The following TBK1 variants were observed in gnomAD, a reference collection of about 807,000 sequenced individuals.
TBK1 encodes the protein TANK binding kinase 1, also known as serine/threonine-protein kinase TBK1.
A neutral mutation model predicts 99.9 loss-of-function variants in TBK1; 37 were observed. The observed-to-expected ratio is 0.37, with a 90% CI of 0.28 to 0.49. The LOEUF (loss-of-function observed/expected upper bound fraction) is 0.49. TBK1 is among the 20% of genes least tolerant of loss of function. The probability of loss-of-function intolerance (pLI) is 0.98; values close to 1 mark genes in which losing one functional copy is unlikely to be tolerated. For missense variants in TBK1, 644 were observed against 872.5 expected, an observed-to-expected ratio of 0.74 and a Z score of 3.30; for synonymous variants, 258 against 279.8, an observed-to-expected ratio of 0.92 and a Z score of 0.78.
chr12:64,495,880 G>T, intron 15 of TBK1, 105 bp downstream of exon 15: 20 of 639,152 alleles, frequency 3.1e-5, no homozygotes, highest in South Asian at 6.9e-5. Flanking sequence ...TTCTTAAGCT[G>T]TTTTTTTCAG....
intron 5 of TBK1, among the ~76,000 whole-genome samples, chr12:64,472,654 A>G (rs1479276846): frequency 6.9e-5 from 2 of 28,890 alleles, no homozygotes; most frequent in African/African-American, 1.4e-4. Flanking sequence ...CTCAGTGACT[A>G]TGGTATTAGT....
chr12:64,479,541 A>G (rs1019193962), intron 6 of TBK1, among the ~76,000 whole-genome samples: 21 of 152,208 alleles, frequency 1.4e-4, no homozygotes, highest in African/African-American at 5.1e-4. Context: ...CCAGTGTGCA[A>G]AGAATCTGAT....
At chr12:64,486,101 G>T in intron 11 of TBK1, 84 bp downstream of exon 11, 4 of 848,514 alleles carry the variant, frequency 4.7e-6, no homozygotes, top group South Asian at 4.1e-5. Flanking sequence ...AAACTAGTTA[G>T]GTTAGGTGCT....
chr12:64,463,301 CCCTGGGAGGCAGAGCTT>C (rs933635696), intron 3 of TBK1, among the ~76,000 whole-genome samples: 1 of 151,538 alleles, frequency 6.6e-6, no homozygotes, highest in Non-Finnish European at 1.5e-5. Context: ...GTGGCGTGAA[CCCTGGGAGGCAGAGCTT>C]CCAGTGAGCC....
rs757938202 is a variant in TBK1 at position 64,481,845 on chromosome 12, T to G, written c.816T>G (p.Gly272=). ...DMPVSCSLSR[G]LQVLLTPVLA... is the part of the protein sequence containing the mutation. ...TAACTTTTCAATACTATTTTAGGGG[T>G]CTTCAGGTTCTACTTACCCCTGTTC... Residue 272 remains glycine, a synonymous_variant, in exon 8 of 21, where the codon GGT becomes GGG. Transcript: ENST00000331710. 15 of 1,580,818 alleles carry G rather than the reference T, an allele frequency of 9.5e-6. No individual in the cohort carries two copies. Among genetic ancestry groups the G allele is most frequent in the African/African-American group, 1.4e-5 (1 of 72,854 alleles).
chr12:64,493,922 C>A (rs910757348), intron 13 of TBK1, among the ~76,000 whole-genome samples: 2 of 152,076 alleles, frequency 1.3e-5, no homozygotes, highest in Non-Finnish European at 2.9e-5. Context: ...AGGCATTTCC[C>A]AGGTTTTTTT....
At chr12:64,478,275 C>T (rs1328088480) in intron 6 of TBK1, among the ~76,000 whole-genome samples, 1 of 152,164 alleles carries the variant, frequency 6.6e-6, no homozygotes, top group Admixed American at 6.5e-5. Context: ...CTCAGCCTCC[C>T]GAATAGCTGG....
chr12:64,496,416 CA>C lies in TBK1; in HGVS notation c.1760+11del. The C allele has an allele frequency of 8.1e-7, 1 of 1,229,830 alleles. No individual in the cohort carries two copies. The highest frequency in any genetic ancestry group is 1.1e-6 in the Non-Finnish European group (1 of 885,016). 76.2% of individuals were successfully genotyped at this position (1,229,830 alleles called of 1,614,324 possible). On this transcript the variant is annotated intron_variant, in intron 16 of 20. Transcript: ENST00000331710. ...TCCACAAATTTGATAAGTAAGTATC[CA>C]GATTATGTTTAATAGTTATTTTTGG...
At position 64,499,754 on chromosome 12, in the gene TBK1, G is replaced by T. The variant is rs564608303; in HGVS notation, c.2139-1576G>T. ...CGCTTTGTCGCCAGGCGGGAGTGCA[G>T]TGGCGCGATCTTGGCTCACTGCAAC... On this transcript the variant is annotated intron_variant, in intron 20 of 20. Transcript: ENST00000331710. 1.3e-4 allele frequency among the ~76,000 whole-genome samples: 17 copies of T among 135,970 alleles called. No individual in the cohort carries two copies. In the East Asian group the frequency reaches 3.9e-3, roughly 31 times the overall value. 89.2% of individuals were successfully genotyped at this position (135,970 alleles called of 152,430 possible).
At chr12:64,459,826 T>C (rs1036464083) in intron 2 of TBK1, among the ~76,000 whole-genome samples, 3 of 152,264 alleles carry the variant, frequency 2.0e-5, no homozygotes, top group Non-Finnish European at 2.9e-5. Flanking sequence ...GAAGCCCTTA[T>C]GAGTTTCACT....
In TBK1 at chr12:64,496,991, T is replaced by G. The variant is rs1565824642; in HGVS notation, c.1803T>G (p.Phe601Leu). 6.2e-7 allele frequency: 1 copy of G among 1,613,278 alleles called. No homozygotes were observed. Among genetic ancestry groups the G allele is most frequent in the Non-Finnish European group, 8.5e-7 (1 of 1,179,526 alleles). ...YYHATKAMTH[F>L]TDECVKKYEA... ...ATGCCACAAAAGCTATGACGCACTT[T>G]ACAGATGAATGTGTTAAAAAGTATG... The change falls in exon 17 of 21, where the codon TTT (phenylalanine) becomes TTG (leucine). Residue 601 changes from phenylalanine to leucine, a missense_variant. Around this residue, in one of 3 missense-constraint regions of TBK1, gnomAD observed 465 missense variants for 588.0 expected, o/e 0.79. Coordinates refer to ENST00000331710, the MANE Select transcript of TBK1 (RefSeq NM_013254.4).
chr12:64,469,518 C>G (rs1001083230), intron 5 of TBK1, among the ~76,000 whole-genome samples: 2 of 152,162 alleles, frequency 1.3e-5, no homozygotes, highest in African/African-American at 4.8e-5. Context: ...TTGGCTAGAC[C>G]ATGCTTTCTG....
At chr12:64,499,693 C>CTTTTTTTTTTTTTTT (rs56725684) in intron 20 of TBK1, among the ~76,000 whole-genome samples, 2 of 82,942 alleles carry the variant, frequency 2.4e-5, no homozygotes, top group Admixed American at 1.7e-4. Flanking sequence ...TAAAGATGTG[C>CTTTTTTTTTTTTTTT]TTTTTTTTTT....
At chr12:64,490,141 A>C (rs769893791) in intron 13 of TBK1, 22 bp downstream of exon 13, 2 of 1,557,570 alleles carry the variant, frequency 1.3e-6, no homozygotes, top group Non-Finnish European at 1.8e-6. Flanking sequence ...CAAAATTACG[A>C]AATTTGTAAG....
Position 64,481,901 on chromosome 12 carries a change from A to C in TBK1, c.872A>C (p.Lys291Thr). 6.2e-7 allele frequency: 1 copy of C among 1,610,108 alleles called. No homozygotes were observed. The highest frequency in any genetic ancestry group is 8.5e-7 in the Non-Finnish European group (1 of 1,178,320). ...LANILEADQEKCWGFDQFFAE... is the reference protein window; with the variant it reads ...LANILEADQETCWGFDQFFAE... ...AACATCCTTGAAGCAGATCAGGAAA[A>C]GTGTTGGGGTTTTGACCAGTTTTTT... Residue 291 changes from lysine (K) to threonine (T), a missense_variant, in exon 8 of 21, where the codon AAG becomes ACG. Transcript: ENST00000331710.
chr12:64,472,924 G>C (rs1294169916), intron 5 of TBK1, among the ~76,000 whole-genome samples: 1 of 152,280 alleles, frequency 6.6e-6, no homozygotes, highest in Non-Finnish European at 1.5e-5. Flanking sequence ...CTATGTGTAA[G>C]GACGTGTGTT....
chr12:64,478,370 G>T (rs565460715), intron 6 of TBK1, among the ~76,000 whole-genome samples: 1 of 152,202 alleles, frequency 6.6e-6, no homozygotes, highest in South Asian at 2.1e-4. Flanking sequence ...GGCTGGTCTT[G>T]AACTCCTGGC....
intron 20 of TBK1, among the ~76,000 whole-genome samples, chr12:64,498,681 C>CCAAATT (rs1370975480): frequency 6.6e-6 from 1 of 152,138 alleles, no homozygotes; most frequent in African/African-American, 2.4e-5. Flanking sequence ...TTTGGCCAGG[C>CCAAATT]ACGGTGGCTC....
At chr12:64,460,079 T>C (rs1302265235) in intron 2 of TBK1, 110 bp from the exon 3 acceptor site, 7 of 659,674 alleles carry the variant, frequency 1.1e-5, no homozygotes, top group Admixed American at 8.5e-5. Flanking sequence ...GCCTAAAAGA[T>C]GCATGATGTT....
Sources: allele counts gnomAD v4.1 joint callset (sites outside exome capture counted in the v4.1 genomes callset), GRCh38; gene constraint gnomAD v4.1.1; regional missense constraint gnomAD v4.1.1; transcripts MANE v1.5; gene names NCBI Gene and HGNC (gene_info 2026-07-23, HGNC 2026-07-21).